Variants in SMG6 observed in about 807,000 individuals in gnomAD.
SMG6 encodes the protein SMG6 nonsense mediated mRNA decay factor, also known as telomerase-binding protein EST1A.
A neutral mutation model predicts 142.2 loss-of-function variants in SMG6; 66 were observed. The ratio of observed to expected loss-of-function variants is 0.46; its 90% CI spans 0.38 to 0.57. The LOEUF is 0.57. Among genes scored for constraint, SMG6 ranks in the 20% least tolerant of loss-of-function variants. The pLI is 0.00. For missense variants in SMG6, 1,793 were observed against 1,832.0 expected (o/e 0.98, Z 0.39); for synonymous variants, 779 against 702.4 (o/e 1.11, Z -1.72).
chr17:2,298,401 A>C (rs945808100), intron 2 of SMG6, among the ~76,000 whole-genome samples: 12 of 152,196 alleles, frequency 7.9e-5, no homozygotes, highest in Non-Finnish European at 1.6e-4. Flanking sequence ...CTTAAAGAAA[A>C]AGTAGGATGC....
chr17:2,188,611 G>C (rs956461669), intron 10 of SMG6, 96 bp from the exon 11 acceptor site: 31 of 1,027,558 alleles, frequency 3.0e-5, no homozygotes, highest in Non-Finnish European at 4.3e-5. Flanking sequence ...CTGAAGACTA[G>C]GGCTAGTGAT....
intron 13 of SMG6, among the ~76,000 whole-genome samples, chr17:2,127,054 C>T (rs1316046203): frequency 2.7e-5 from 4 of 150,108 alleles, no homozygotes; most frequent in Non-Finnish European, 5.9e-5. Context: ...TGGGAGGATC[C>T]CTTGGGCTTG....
intron 8 of SMG6, among the ~76,000 whole-genome samples, chr17:2,265,631 T>C (rs969610318): frequency 6.6e-6 from 1 of 152,234 alleles, no homozygotes; most frequent in Non-Finnish European, 1.5e-5. Context: ...GTGGTAAATT[T>C]TTTCTGTAAA....
At chr17:2,095,678 G>C (rs908283228) in intron 13 of SMG6, among the ~76,000 whole-genome samples, 3 of 152,308 alleles carry the variant, frequency 2.0e-5, no homozygotes, top group Admixed American at 6.5e-5. Context: ...CAGGAAGGCA[G>C]AATTCTCAGC....
chr17:2,169,044 C>A (rs977484409), intron 13 of SMG6, among the ~76,000 whole-genome samples: 2 of 151,704 alleles, frequency 1.3e-5, no homozygotes, highest in African/African-American at 2.4e-5. Context: ...CCATGCCCAG[C>A]CAAAACTTTT....
chr17:2,237,352 G>C (rs1040741986), intron 9 of SMG6: 3 of 243,744 alleles, frequency 1.2e-5, no homozygotes, highest in African/African-American at 7.0e-5. Context: ...ACAGGCATGA[G>C]CCACTGCACT....
chr17:2,165,672 C>A (rs1428682803), intron 13 of SMG6, among the ~76,000 whole-genome samples: 2 of 152,160 alleles, frequency 1.3e-5, no homozygotes, highest in Non-Finnish European at 2.9e-5. Flanking sequence ...GAGGCCAAGG[C>A]GGGAGGATCA....
In SMG6 at chr17:2,215,322, A is replaced by C. The variant is rs574588227; in HGVS notation, c.2869+21170T>G. ...TGCACTAAAAATACAGTCCCGGCTG[A>C]TACATCATGGCAGAACTATTCTCTC... On this transcript the variant is annotated intron_variant, in intron 10 of 18. Coordinates refer to ENST00000263073, the MANE Select transcript of SMG6 (RefSeq NM_017575.5). Among the ~76,000 whole-genome samples the C allele has an allele frequency of 2.7e-3, 406 of 152,320 alleles. 2 individuals are homozygous for C. The highest frequency in any genetic ancestry group is 0.024 in the Middle Eastern group (7 of 294).
At chr17:2,061,916 AG>A in intron 18 of SMG6, 1 of 339,640 alleles carries the variant, frequency 2.9e-6, no homozygotes. Context: ...CCCTAAACTG[AG>A]GGAATAGAAG....
At chr17:2,236,747 A>C (rs2073672087) in intron 9 of SMG6, 110 bp from the exon 10 acceptor site, 1 of 913,144 alleles carries the variant, frequency 1.1e-6, no homozygotes. Flanking sequence ...ACACACACAC[A>C]CACACCAGAC....
intron 1 of SMG6, chr17:2,303,340 G>A: frequency 8.5e-7 from 1 of 1,177,806 alleles, no homozygotes; most frequent in Admixed American, 4.6e-5. Flanking sequence ...GGAATCCGGG[G>A]CGGGTCTGAG....
intron 6 of SMG6, among the ~76,000 whole-genome samples, chr17:2,291,560 G>C (rs1412176782): frequency 6.6e-6 from 1 of 152,020 alleles, no homozygotes; most frequent in Non-Finnish European, 1.5e-5. Flanking sequence ...AACCAATTCT[G>C]AAAGAAGTGT....
At chr17:2,086,948 C>A (rs961461359) in intron 13 of SMG6, 11 of 1,234,720 alleles carry the variant, frequency 8.9e-6, no homozygotes, top group Non-Finnish European at 1.1e-5. Flanking sequence ...AGACGTGCCA[C>A]AGGGGACGGC....
chr17:2,062,002 CT>C (rs141681719), intron 18 of SMG6: 1,980 of 153,486 alleles, frequency 0.013, 30 homozygotes, highest in African/African-American at 0.038. Context: ...CCACACCCCA[CT>C]TTTTTTTTTT....
chr17:2,291,097 C>T (rs943560611), intron 6 of SMG6, among the ~76,000 whole-genome samples: 6 of 152,104 alleles, frequency 3.9e-5, no homozygotes, highest in South Asian at 2.1e-4. Flanking sequence ...TTTGGGAGGC[C>T]GAGGCGGGCG....
chr17:2,281,459 G>A lies in SMG6; in HGVS notation c.2661+1188C>T, dbSNP rs143771141. Among the ~76,000 whole-genome samples, 20 of 152,138 alleles carry A rather than the reference G, an allele frequency of 1.3e-4. No individual in the cohort carries two copies. The East Asian group carries it at 2.5e-3, about 19-fold the overall frequency. On this transcript the variant is annotated intron_variant, in intron 8 of 18. Coordinates refer to ENST00000263073, the MANE Select transcript of SMG6 (RefSeq NM_017575.5). ...TCTTTCTTCTCCCTGAGCTCCCCACGTTCAACCAAGTCTTTTGGATTCTAC... is the reference window on the plus strand; with the variant it reads ...TCTTTCTTCTCCCTGAGCTCCCCACATTCAACCAAGTCTTTTGGATTCTAC...
At chr17:2,227,930 C>A (rs2073364100) in intron 10 of SMG6, among the ~76,000 whole-genome samples, 1 of 152,152 alleles carries the variant, frequency 6.6e-6, no homozygotes, top group Non-Finnish European at 1.5e-5. Flanking sequence ...AATAAATCAA[C>A]TACAGCTACA....
intron 13 of SMG6, among the ~76,000 whole-genome samples, chr17:2,122,043 A>T (rs2069718649): frequency 6.6e-6 from 1 of 152,166 alleles, no homozygotes; most frequent in Non-Finnish European, 1.5e-5. Flanking sequence ...CATGTTGGCC[A>T]GGATGGTCTC....
At chr17:2,158,022 C>T (rs1286659122) in intron 13 of SMG6, among the ~76,000 whole-genome samples, 1 of 152,026 alleles carries the variant, frequency 6.6e-6, no homozygotes, top group Non-Finnish European at 1.5e-5. Context: ...GAAAAGAAAC[C>T]ACAAGTAAGA....
Sources: gnomAD v4.1 joint callset for allele counts (sites outside exome capture counted in the v4.1 genomes callset) on GRCh38, gnomAD v4.1.1 for gene constraint, MANE v1.5 for transcripts, NCBI Gene and HGNC (gene_info 2026-07-23, HGNC 2026-07-21) for gene names.